Variants in SORCS1 observed in about 807,000 individuals in gnomAD.
SORCS1 encodes the protein sortilin related VPS10 domain containing receptor 1, also known as VPS10 domain-containing receptor SorCS1.
Under a neutral mutation model 146.1 loss-of-function variants are expected in SORCS1, and 60 were observed. The ratio of observed to expected loss-of-function variants is 0.41; its 90% confidence interval spans 0.33 to 0.51. The LOEUF (loss-of-function observed/expected upper bound fraction) is 0.51. Ranked by LOEUF, SORCS1 falls within the 20% of genes least tolerant of loss-of-function variation. The pLI, the probability that SORCS1 is intolerant of heterozygous loss-of-function variation, is 0.21. For missense variants in SORCS1, 1,352 were observed against 1,487.6 expected, an observed-to-expected ratio of 0.91 and a Z score of 1.50; for synonymous variants, 637 against 584.0, an observed-to-expected ratio of 1.09 and a Z score of -1.31.
At chr10:106,795,588 A>T (rs1946516793) in intron 3 of SORCS1, among the ~76,000 whole-genome samples, 1 of 152,138 alleles carries the variant, frequency 6.6e-6, no homozygotes, top group African/African-American at 2.4e-5. Context: ...GGCTATAATG[A>T]TCCTTTCTGT....
intron 2 of SORCS1, among the ~76,000 whole-genome samples, chr10:106,951,332 A>T (rs1032087930): frequency 6.6e-6 from 1 of 152,018 alleles, no homozygotes; most frequent in Admixed American, 6.6e-5. Context: ...TAACATGGTG[A>T]AACCCCGTCT....
At chr10:107,059,080 T>C (rs919539004) in intron 1 of SORCS1, among the ~76,000 whole-genome samples, 1 of 152,210 alleles carries the variant, frequency 6.6e-6, no homozygotes, top group Non-Finnish European at 1.5e-5. Flanking sequence ...TTGATCTGAA[T>C]TTGTTTCTAT....
Position 106,820,014 on chromosome 10 carries a change from C to T in SORCS1, c.726+9560G>A, listed in dbSNP as rs140418979. On this transcript the variant is annotated intron_variant, in intron 3 of 25. Coordinates refer to ENST00000263054, the MANE Select transcript of SORCS1 (RefSeq NM_052918.5). ...TAATCTCTGTCGTCTTCTCTCTCGG[C>T]TTTACCTCTGTATCCTTCCTTCTAT... Among the ~76,000 whole-genome samples the T allele has an allele frequency of 2.6e-5, 4 of 152,300 alleles. No homozygotes were observed. In the East Asian group the frequency reaches 7.7e-4, roughly 29 times the overall value.
At chr10:107,102,705 C>T (rs1200055751) in intron 1 of SORCS1, among the ~76,000 whole-genome samples, 7 of 152,116 alleles carry the variant, frequency 4.6e-5, no homozygotes, top group Admixed American at 6.5e-5. Context: ...TGTGGTTCTT[C>T]GGCTTAACTC....
chr10:106,857,437 C>T (rs1295684042), intron 2 of SORCS1, among the ~76,000 whole-genome samples: 4 of 152,286 alleles, frequency 2.6e-5, no homozygotes, highest in Non-Finnish European at 5.9e-5. Context: ...ACAAGATGTC[C>T]TGAAAGCGGA....
At chr10:106,890,812 AT>A (rs10710411) in intron 2 of SORCS1, among the ~76,000 whole-genome samples, 63,620 of 148,916 alleles carry the variant, frequency 0.43, 13,470 homozygotes, top group East Asian at 0.52. Context: ...ATATACATAC[AT>A]TTTTTTTTTT....
At chr10:106,773,914 A>G (rs1860225284) in intron 4 of SORCS1, among the ~76,000 whole-genome samples, 1 of 151,770 alleles carries the variant, frequency 6.6e-6, no homozygotes, top group Non-Finnish European at 1.5e-5. Context: ...GCGCCATTGC[A>G]CTCCAGCCTG....
intron 2 of SORCS1, among the ~76,000 whole-genome samples, chr10:106,851,393 A>G (rs1949566360): frequency 6.6e-6 from 1 of 152,090 alleles, no homozygotes; most frequent in Admixed American, 6.5e-5. Context: ...CTGTGTTCAA[A>G]CTTCCTTTTA....
intron 1 of SORCS1, among the ~76,000 whole-genome samples, chr10:107,082,815 A>G (rs899980220): frequency 2.6e-5 from 4 of 152,054 alleles, no homozygotes; most frequent in African/African-American, 9.7e-5. Context: ...AATGTCCTTT[A>G]AGTCCAAAGT....
intron 5 of SORCS1, among the ~76,000 whole-genome samples, chr10:106,752,613 T>C (rs1449791015): frequency 6.6e-6 from 1 of 152,198 alleles, no homozygotes; most frequent in East Asian, 1.9e-4. Context: ...AGATTCTTCC[T>C]CTTCAATTTA....
At chr10:106,842,050 T>C (rs1353580388) in intron 2 of SORCS1, among the ~76,000 whole-genome samples, 1 of 152,326 alleles carries the variant, frequency 6.6e-6, no homozygotes, top group Non-Finnish European at 1.5e-5. Flanking sequence ...CAGCAGTGAA[T>C]CAGAGTTCCT....
chr10:106,895,785 G>A (rs930673462), intron 2 of SORCS1, among the ~76,000 whole-genome samples: 1 of 152,168 alleles, frequency 6.6e-6, no homozygotes, highest in Non-Finnish European at 1.5e-5. Flanking sequence ...ACTCTTAGGT[G>A]TATGTCCAAA....
At chr10:106,830,851 A>G (rs556953811) in intron 2 of SORCS1, among the ~76,000 whole-genome samples, 1 of 151,794 alleles carries the variant, frequency 6.6e-6, no homozygotes, top group East Asian at 1.9e-4. Context: ...AGCCGAGATC[A>G]CACCACTGCA....
intron 1 of SORCS1, among the ~76,000 whole-genome samples, chr10:107,129,129 G>C (rs1386100832): frequency 6.6e-6 from 1 of 152,190 alleles, no homozygotes; most frequent in Non-Finnish European, 1.5e-5. Flanking sequence ...TCTTCAGCTG[G>C]TTGCTATTGA....
At chr10:106,980,345 TA>T (rs1956199534) in intron 1 of SORCS1, among the ~76,000 whole-genome samples, 1 of 152,194 alleles carries the variant, frequency 6.6e-6, no homozygotes, top group African/African-American at 2.4e-5. Context: ...CTGGTAACAG[TA>T]AAAACCAGGC....
intron 1 of SORCS1, among the ~76,000 whole-genome samples, chr10:107,086,268 C>T (rs1175504405): frequency 6.6e-6 from 1 of 152,124 alleles, no homozygotes; most frequent in Non-Finnish European, 1.5e-5. Flanking sequence ...CAAAATTAAT[C>T]CACTTCTCAA....
chr10:106,801,744 A>G (rs1379801476), intron 3 of SORCS1, among the ~76,000 whole-genome samples: 1 of 152,052 alleles, frequency 6.6e-6, no homozygotes, highest in Non-Finnish European at 1.5e-5. Flanking sequence ...GTTAGCCAGG[A>G]CGGTCTCGAT....
At position 106,607,332 on chromosome 10, in the gene SORCS1, G is replaced by T. The variant is rs532413229; in HGVS notation, c.3034-35C>A. On this transcript the variant is annotated intron_variant, in intron 22 of 25. Transcript: ENST00000263054. ...AGACACAGGGGCTCACATTAGTGCT[G>T]CAGAGAAGAAAGCTGAGAAGGGACC... 3 of 1,611,144 alleles carry T rather than the reference G, an allele frequency of 1.9e-6. No individual in the cohort carries two copies. The South Asian group carries it at 3.3e-5, about 18-fold the overall frequency.
intron 3 of SORCS1, among the ~76,000 whole-genome samples, chr10:106,784,119 G>T (rs1160150949): frequency 6.6e-6 from 1 of 152,142 alleles, no homozygotes; most frequent in African/African-American, 2.4e-5. Context: ...CCTGGGGCCG[G>T]GTGCAGTGGC....
Sources: gnomAD v4.1 joint callset for allele counts (sites outside exome capture counted in the v4.1 genomes callset) on GRCh38, gnomAD v4.1.1 for gene constraint, MANE v1.5 for transcripts, NCBI Gene and HGNC (gene_info 2026-07-23, HGNC 2026-07-21) for gene names.